PTDSS2: variants seen among roughly 807,000 people sequenced by gnomAD.
PTDSS2 encodes the protein phosphatidylserine synthase 2, also known as PSS-2.
In PTDSS2, 41 loss-of-function variants were observed where a neutral mutation model predicts 64.7. That is an observed-to-expected ratio of 0.63 (90% CI 0.49 to 0.82). The LOEUF (loss-of-function observed/expected upper bound fraction) is 0.82. Ranked by LOEUF, PTDSS2 falls within the 40% of genes least tolerant of loss-of-function variation. The probability of loss-of-function intolerance (pLI) is 0.00; values close to 1 mark genes in which losing one functional copy is unlikely to be tolerated. For missense variants in PTDSS2, 485 were observed against 650.0 expected (o/e 0.75, Z 2.76); for synonymous variants, 297 against 277.8 (o/e 1.07, Z -0.69).
chr11:456,175 T>C, intron 1 of PTDSS2, among the ~76,000 whole-genome samples: 1 of 144,908 alleles, frequency 6.9e-6, no homozygotes, highest in Non-Finnish European at 1.5e-5. Context: ...TCATTCTTTT[T>C]TTTTTTTTTT....
intron 4 of PTDSS2, among the ~76,000 whole-genome samples, chr11:481,555 G>C (rs1485233343): frequency 6.6e-6 from 1 of 152,176 alleles, no homozygotes; most frequent in Non-Finnish European, 1.5e-5. Flanking sequence ...CAGAGTTTAA[G>C]TTTTGTACTT....
intron 4 of PTDSS2, among the ~76,000 whole-genome samples, chr11:485,042 CTGTG>C (rs56665638): frequency 1.6e-4 from 20 of 127,452 alleles, no homozygotes; most frequent in Admixed American, 4.7e-4. Context: ...TGTGTGCTCA[CTGTG>C]TGCGCAGGCG....
Position 489,674 on chromosome 11 carries a change from C to G in PTDSS2, c.1056C>G (p.Val352=). 1 of 1,601,056 alleles carries G rather than the reference C, an allele frequency of 6.2e-7. No homozygotes were observed. The highest frequency in any genetic ancestry group is 1.1e-5 in the South Asian group (1 of 89,468). The stretch of plus-strand genomic sequence containing the variant: ...ACTACCTGGTCCTCCTGCGGCTCGT[C>G]TTCTTCGTGAACGTGGGTGGCGTGG... The part of the protein sequence containing the change: ...PEHYLVLLRL[V]FFVNVGGVAM... The change falls in exon 10 of 12, where the codon GTC becomes GTG. Residue 352 remains valine (V), a synonymous_variant. Transcript: ENST00000308020.
Position 488,452 on chromosome 11 carries a change from C to T in PTDSS2, c.736-77C>T, listed in dbSNP as rs1166470017. The stretch of plus-strand genomic sequence containing the variant: ...CAGGCTGAGGGGCATTCTCGGTTCC[C>T]CTGTGCTCTTCCGGGGTCCTCCTCG... On this transcript the variant is annotated intron_variant, in intron 7 of 11. Coordinates refer to ENST00000308020, the MANE Select transcript of PTDSS2 (RefSeq NM_030783.3). 3.6e-6 allele frequency: 5 copies of T among 1,400,238 alleles called. No homozygotes were observed. The African/African-American group carries it at 4.2e-5, about 12-fold the overall frequency. 86.7% of individuals were successfully genotyped at this position (1,400,238 alleles called of 1,614,324 possible). A position where few individuals can be genotyped will look rare whatever the true frequency, so the allele number is the denominator to read the frequency against.
chr11:463,927 C>T (rs1205606572), intron 2 of PTDSS2: 1 of 152,028 alleles, frequency 6.6e-6, no homozygotes, highest in African/African-American at 2.4e-5. Flanking sequence ...AGCTTGCTGT[C>T]ATTGTTCTTT....
chr11:454,330 G>T (rs1485883435), intron 1 of PTDSS2, among the ~76,000 whole-genome samples: 2 of 152,156 alleles, frequency 1.3e-5, no homozygotes, highest in African/African-American at 4.8e-5. Flanking sequence ...CTCAATGACA[G>T]TGTGCACATT....
intron 6 of PTDSS2, among the ~76,000 whole-genome samples, chr11:487,882 A>G (rs1442783124): frequency 6.6e-6 from 1 of 152,158 alleles, no homozygotes; most frequent in African/African-American, 2.4e-5. Flanking sequence ...ACAGTCGTAC[A>G]TCGAGGCTGC....
intron 4 of PTDSS2, among the ~76,000 whole-genome samples, chr11:486,226 G>C (rs1229593514): frequency 6.6e-6 from 1 of 152,150 alleles, no homozygotes; most frequent in Admixed American, 6.5e-5. Context: ...CAGCGTCTGG[G>C]TGAGGAAAGA....
At chr11:452,599 T>C (rs1590599340) in intron 1 of PTDSS2, among the ~76,000 whole-genome samples, 3 of 152,302 alleles carry the variant, frequency 2.0e-5, no homozygotes, top group Admixed American at 2.0e-4. Context: ...CTGGTCCAGG[T>C]ACCTCCTTCC....
At chr11:487,392 G>A (rs1425625110) in intron 5 of PTDSS2, 28 bp from the exon 6 acceptor site, 2 of 1,611,766 alleles carry the variant, frequency 1.2e-6, no homozygotes, top group East Asian at 2.2e-5. Context: ...GTGCCCCAGG[G>A]TCAAGGGTCA....
rs772513146 is a variant in PTDSS2 at position 460,249 on chromosome 11, TGGA to T, written c.249_251del (p.Glu84del). ...TGTACGCTTGGCTATGTGACGCTGC[TGGA>T]GGAAACACCTCAGGACACGGCCTAC... On this transcript the variant is annotated inframe_deletion, in exon 2 of 12. Transcript: ENST00000308020. This position sits in a 1 kb window ranked among gnomAD's most constrained non-coding sequence, Gnocchi z 5.8. 11 of 1,614,220 alleles carry T rather than the reference TGGA, an allele frequency of 6.8e-6. No homozygotes were observed. Among genetic ancestry groups the T allele is most frequent in the Non-Finnish European group, 9.3e-6 (11 of 1,180,024 alleles).
chr11:480,751 G>C (rs893076762), intron 4 of PTDSS2, among the ~76,000 whole-genome samples: 1 of 152,032 alleles, frequency 6.6e-6, no homozygotes, highest in African/African-American at 2.4e-5. Context: ...GTTTCATCTT[G>C]TTGGCCAGGC....
chr11:461,423 G>A lies in PTDSS2; in HGVS notation c.284+1135G>A, dbSNP rs1590622419. Among the ~76,000 whole-genome samples, 1 of 152,142 alleles carries A rather than the reference G, an allele frequency of 6.6e-6. No homozygotes were observed. The highest frequency in any genetic ancestry group is 1.5e-5 in the Non-Finnish European group (1 of 68,028). Reference sequence around the variant, plus strand: ...CATAACTGAGTCCATCTCCCTGGGGGCAGTGGGGCATTTCTGGTTAGAAAT... The same window carrying A: ...CATAACTGAGTCCATCTCCCTGGGGACAGTGGGGCATTTCTGGTTAGAAAT... On this transcript the variant is annotated intron_variant, in intron 2 of 11. Coordinates refer to ENST00000308020, the MANE Select transcript of PTDSS2 (RefSeq NM_030783.3). This position sits in a 1 kb window ranked among gnomAD's most constrained non-coding sequence, Gnocchi z 4.2.
chr11:488,541 G>C lies in PTDSS2; in HGVS notation c.748G>C (p.Val250Leu), dbSNP rs34809643. ...ECWWDHWIMD[V>L]LVCNGLGIYC... ...CCCCTCCCTGCAGTGGATCATGGAC[G>C]TGCTCGTCTGCAACGGGCTGGGCAT... Residue 250 changes from valine to leucine, a missense_variant, in exon 8 of 12, where the codon GTG becomes CTG. Val to Leu is a conservative substitution (Grantham distance 32). Around this residue, in one of 3 missense-constraint regions of PTDSS2, gnomAD observed 251 missense variants for 348.0 expected, o/e 0.72. Transcript: ENST00000308020. 1 of 1,613,178 alleles carries C rather than the reference G, an allele frequency of 6.2e-7. No homozygotes were observed. The highest frequency in any genetic ancestry group is 1.3e-5 in the African/African-American group (1 of 74,926).
intron 7 of PTDSS2, 37 bp from the exon 8 acceptor site, chr11:488,492 C>T: frequency 6.4e-7 from 1 of 1,563,312 alleles, no homozygotes; most frequent in Non-Finnish European, 8.8e-7. Flanking sequence ...GCTCGTTACC[C>T]CTCACCCCTG....
chr11:487,797 C>T (rs1378749215), intron 6 of PTDSS2, among the ~76,000 whole-genome samples: 1 of 152,226 alleles, frequency 6.6e-6, no homozygotes, highest in Non-Finnish European at 1.5e-5. Context: ...AGAGCAGTGC[C>T]TGCTTGACCC....
chr11:453,245 C>T (rs981822575), intron 1 of PTDSS2, among the ~76,000 whole-genome samples: 1 of 152,126 alleles, frequency 6.6e-6, no homozygotes, highest in African/African-American at 2.4e-5. Flanking sequence ...CAGAGGAAAA[C>T]GTTTAGATCC....
At chr11:477,917 G>C (rs988159008) in intron 3 of PTDSS2, among the ~76,000 whole-genome samples, 1 of 152,238 alleles carries the variant, frequency 6.6e-6, no homozygotes, top group Admixed American at 6.5e-5. Context: ...ACCTCCCTGT[G>C]CAGCTTTTCC....
In PTDSS2 at chr11:489,605, G is replaced by A; in HGVS notation, c.987G>A (p.Leu329=). Residue 329 remains leucine, a synonymous_variant, in exon 10 of 12, where the codon CTG becomes CTA. Coordinates refer to ENST00000308020, the MANE Select transcript of PTDSS2 (RefSeq NM_030783.3). ...GIILVFLLAE[L]NTFYLKFVLW... ...TCCCCTAGTTCCTGTTGGCAGAACT[G>A]AACACGTTCTACCTGAAGTTTGTGC... The A allele has an allele frequency of 6.3e-7, 1 of 1,597,986 alleles. No individual in the cohort carries two copies.
Sources: allele counts gnomAD v4.1 joint callset (sites outside exome capture counted in the v4.1 genomes callset), GRCh38; gene constraint gnomAD v4.1.1; regional missense constraint gnomAD v4.1.1; non-coding constraint Gnocchi (gnomAD v3.1); transcripts MANE v1.5; gene names NCBI Gene and HGNC (gene_info 2026-07-23, HGNC 2026-07-21).